Variants in ADGRL3 observed in about 807,000 individuals in gnomAD.
The protein encoded by ADGRL3 is calcium-independent alpha-latrotoxin receptor 3.
In ADGRL3, 62 loss-of-function variants were observed where a neutral mutation model predicts 153.5. The observed-to-expected ratio is 0.40, with a 90% CI of 0.33 to 0.50. The LOEUF is 0.50. Ranked by LOEUF, ADGRL3 falls within the 20% of genes least tolerant of loss-of-function variation. The pLI is 0.47. For missense variants in ADGRL3, 1,641 were observed against 1,859.4 expected, an observed-to-expected ratio of 0.88 and a Z score of 2.16; for synonymous variants, 710 against 672.5, an observed-to-expected ratio of 1.06 and a Z score of -0.86.
intron 1 of ADGRL3, among the ~76,000 whole-genome samples, chr4:61,277,361 T>A (rs963875960): frequency 6.6e-6 from 1 of 152,160 alleles, no homozygotes; most frequent in Non-Finnish European, 1.5e-5. Context: ...TGAATGCAGA[T>A]AACATAAAAA....
At chr4:61,441,710 A>C (rs907932651) in intron 2 of ADGRL3, among the ~76,000 whole-genome samples, 1 of 152,050 alleles carries the variant, frequency 6.6e-6, no homozygotes, top group African/African-American at 2.4e-5. Context: ...CTTGCCTATT[A>C]AAATATGTAG....
intron 2 of ADGRL3, among the ~76,000 whole-genome samples, chr4:61,408,427 TC>T (rs775189979): frequency 3.9e-4 from 59 of 151,478 alleles, no homozygotes; most frequent in African/African-American, 1.3e-3. Flanking sequence ...TTTTTTTTTT[TC>T]CTGCTCTGCT....
intron 8 of ADGRL3, among the ~76,000 whole-genome samples, chr4:61,780,815 G>C (rs917554117): frequency 1.3e-5 from 2 of 152,186 alleles, no homozygotes; most frequent in African/African-American, 4.8e-5. Flanking sequence ...TAGGGAACCA[G>C]AGATCTTGCC....
chr4:61,517,399 G>C lies in ADGRL3; in HGVS notation c.140G>C (p.Arg47Thr). 1 of 738,788 alleles carries C rather than the reference G, an allele frequency of 1.4e-6. No homozygotes were observed. Among genetic ancestry groups the C allele is most frequent in the Non-Finnish European group, 2.4e-6 (1 of 417,688 alleles). The allele number at this position is 738,788 out of a possible 1,614,324, so 45.8% of individuals were successfully genotyped here. A position where few individuals can be genotyped will look rare whatever the true frequency, so the allele number is the denominator to read the frequency against. ...ERSPGGALPP[R>T]HLLQQPAAER... ...AGCCCAGGAGGCGCTCTTCCACCCA[G>C]ACATCTGCTTCAGCAGCCAGCTGCA... The change falls in exon 4 of 27, where the codon AGA becomes ACA. Residue 47 changes from arginine to threonine, a missense_variant. Transcript: ENST00000683033.
intron 2 of ADGRL3, among the ~76,000 whole-genome samples, chr4:61,399,461 C>G (rs1396798417): frequency 6.6e-6 from 1 of 151,322 alleles, no homozygotes; most frequent in Non-Finnish European, 1.5e-5. Flanking sequence ...TAAAACAATC[C>G]CAATTTCATC....
chr4:61,321,152 T>A (rs1048819434), intron 1 of ADGRL3, among the ~76,000 whole-genome samples: 1 of 152,182 alleles, frequency 6.6e-6, no homozygotes, highest in African/African-American at 2.4e-5. Flanking sequence ...CAACTTTAAT[T>A]CCTTTTTGCC....
intron 1 of ADGRL3, among the ~76,000 whole-genome samples, chr4:61,302,950 C>G (rs1356111904): frequency 6.6e-6 from 1 of 152,046 alleles, no homozygotes; most frequent in Non-Finnish European, 1.5e-5. Context: ...GTCACTTCAC[C>G]TCATCGGGCT....
At chr4:61,801,944 A>G (rs2097502705) in intron 8 of ADGRL3, among the ~76,000 whole-genome samples, 1 of 152,148 alleles carries the variant, frequency 6.6e-6, no homozygotes. Flanking sequence ...GAAGTGATTT[A>G]CCATGTTTTT....
chr4:61,342,673 C>T (rs1429828146), intron 1 of ADGRL3, among the ~76,000 whole-genome samples: 6 of 152,144 alleles, frequency 3.9e-5, no homozygotes, highest in African/African-American at 1.2e-4. Flanking sequence ...ATCTCCTTGT[C>T]ATTTTCTTCA....
At chr4:61,545,834 A>G (rs145103143) in intron 4 of ADGRL3, among the ~76,000 whole-genome samples, 3 of 152,070 alleles carry the variant, frequency 2.0e-5, no homozygotes, top group African/African-American at 7.2e-5. Flanking sequence ...TTCTCTCTCT[A>G]TGTTTGAGGT....
intron 5 of ADGRL3, among the ~76,000 whole-genome samples, chr4:61,672,714 A>G (rs1319536402): frequency 1.3e-5 from 2 of 152,014 alleles, no homozygotes; most frequent in Non-Finnish European, 2.9e-5. Context: ...ATCCTTATAT[A>G]CTATTGATGG....
intron 4 of ADGRL3, among the ~76,000 whole-genome samples, chr4:61,518,600 G>A (rs1419334719): frequency 6.6e-6 from 1 of 152,216 alleles, no homozygotes; most frequent in African/African-American, 2.4e-5. Context: ...CTGTGGCCAC[G>A]AGGCAGAGTA....
In ADGRL3 at chr4:61,420,807, A is replaced by AAT. The variant is rs1002335377; in HGVS notation, c.-174+37618_-174+37619insAT. The AAT allele has an allele frequency of 1.5e-3, 227 of 151,298 alleles. 1 individual carries two copies. The highest frequency in any genetic ancestry group is 5.2e-3 in the African/African-American group (214 of 41,298). 9.4% of individuals were successfully genotyped at this position (151,298 alleles called of 1,614,324 possible). ...CCAAGGTCAAAAAAAAAAAAAAAAA[A>AAT]GTCTACTTACATTTGGAGGTGAATA... On this transcript the variant is annotated intron_variant, in intron 2 of 26. Coordinates refer to ENST00000683033, the MANE Select transcript of ADGRL3 (RefSeq NM_001387552.1).
At chr4:61,919,106 C>G (rs1042135812) in intron 13 of ADGRL3, among the ~76,000 whole-genome samples, 1 of 152,100 alleles carries the variant, frequency 6.6e-6, no homozygotes, top group Non-Finnish European at 1.5e-5. Context: ...TGATACTATT[C>G]TGTGTGGCCT....
intron 3 of ADGRL3, among the ~76,000 whole-genome samples, chr4:61,512,097 G>A (rs2152876905): frequency 6.7e-6 from 1 of 148,488 alleles, no homozygotes; most frequent in South Asian, 2.2e-4. Flanking sequence ...TCTCTTCTCT[G>A]CCCCCCAACC....
chr4:61,689,237 C>T (rs2095498044), intron 6 of ADGRL3, among the ~76,000 whole-genome samples: 1 of 152,104 alleles, frequency 6.6e-6, no homozygotes, highest in Admixed American at 6.6e-5. Flanking sequence ...GCCCAGCTCT[C>T]CTCATATATA....
intron 9 of ADGRL3, among the ~76,000 whole-genome samples, chr4:61,868,010 A>G (rs995851179): frequency 6.6e-6 from 1 of 152,086 alleles, no homozygotes; most frequent in Admixed American, 6.6e-5. Flanking sequence ...GAAGCTTTAT[A>G]ATATCCTGTT....
At chr4:61,223,451 G>A (rs1329333557) in intron 1 of ADGRL3, among the ~76,000 whole-genome samples, 9 of 152,158 alleles carry the variant, frequency 5.9e-5, no homozygotes, top group Admixed American at 5.9e-4. Context: ...GTGACCTGAG[G>A]AATGAGAAGT....
At chr4:61,209,241 T>C (rs899066761) in intron 1 of ADGRL3, among the ~76,000 whole-genome samples, 1 of 152,146 alleles carries the variant, frequency 6.6e-6, no homozygotes, top group Admixed American at 6.5e-5. Flanking sequence ...TTTTTAATTA[T>C]GAGCTTCTCA....
Sources: gnomAD v4.1 joint callset for allele counts (sites outside exome capture counted in the v4.1 genomes callset) on GRCh38, gnomAD v4.1.1 for gene constraint, MANE v1.5 for transcripts, NCBI Gene and HGNC (gene_info 2026-07-23, HGNC 2026-07-21) for gene names.